The following RORA variants were observed in gnomAD, a reference collection of about 807,000 sequenced individuals.
RORA encodes nuclear receptor ROR-alpha.
In RORA, 7 loss-of-function variants were observed where a neutral mutation model predicts 69.5. That is an observed-to-expected ratio of 0.10 (90% CI 0.06 to 0.19). RORA has a LOEUF of 0.19. Ranked by LOEUF, RORA falls within the 10% of genes least tolerant of loss-of-function variation. RORA has a pLI of 1.00. For missense variants in RORA, 457 were observed against 663.0 expected (o/e 0.69, Z 3.41); for synonymous variants, 261 against 240.8 (o/e 1.08, Z -0.78).
intron 1 of RORA, among the ~76,000 whole-genome samples, chr15:60,947,952 C>A (rs568727825): frequency 6.6e-6 from 1 of 152,270 alleles, no homozygotes; most frequent in Non-Finnish European, 1.5e-5. Flanking sequence ...GACAACAACA[C>A]CACCCCTATG....
At chr15:61,095,457 A>C (rs77318162) in intron 1 of RORA, among the ~76,000 whole-genome samples, 1,643 of 152,358 alleles carry the variant, frequency 0.011, 14 homozygotes, top group Admixed American at 0.03. Flanking sequence ...CAAAACCAAT[A>C]AAGAAAAGAC....
chr15:60,560,527 C>CAA (rs761271083), intron 2 of RORA, among the ~76,000 whole-genome samples: 65 of 135,240 alleles, frequency 4.8e-4, no homozygotes, highest in African/African-American at 1.7e-3. Context: ...GACCCTGCCT[C>CAA]AAAAAAAAAA....
rs142345607 is a variant in RORA at position 61,047,666 on chromosome 15, G to A, written c.166+181387C>T. Among the ~76,000 whole-genome samples the A allele has an allele frequency of 6.0e-3, 921 of 152,302 alleles. 12 individuals are homozygous for A. Among genetic ancestry groups the A allele is most frequent in the African/African-American group, 0.021 (869 of 41,560 alleles). The stretch of plus-strand genomic sequence containing the variant: ...GAAGCATCACTCATTTTGCGGTATT[G>A]TTCCATTTTTAAAATGACTGTTTAA... On this transcript the variant is annotated intron_variant, in intron 1 of 10. Coordinates refer to ENST00000335670, the MANE Select transcript of RORA (RefSeq NM_134261.3).
intron 1 of RORA, among the ~76,000 whole-genome samples, chr15:60,846,966 C>T (rs1283258222): frequency 6.6e-6 from 1 of 152,094 alleles, no homozygotes; most frequent in African/African-American, 2.4e-5. Flanking sequence ...ATACATGATG[C>T]TCTTTTGGTA....
chr15:61,067,482 G>C (rs1022419176), intron 1 of RORA, among the ~76,000 whole-genome samples: 2 of 152,122 alleles, frequency 1.3e-5, no homozygotes, highest in Non-Finnish European at 2.9e-5. Flanking sequence ...TCGACAACGA[G>C]GGTAATGGTA....
At chr15:61,030,730 T>G (rs148870758) in intron 1 of RORA, among the ~76,000 whole-genome samples, 2 of 152,024 alleles carry the variant, frequency 1.3e-5, no homozygotes, top group Non-Finnish European at 2.9e-5. Context: ...CTGAAAAAAA[T>G]GTAGCATCTA....
At chr15:61,044,543 T>C (rs541568607) in intron 1 of RORA, among the ~76,000 whole-genome samples, 1 of 152,374 alleles carries the variant, frequency 6.6e-6, no homozygotes, top group South Asian at 2.1e-4. Context: ...TTACATGAAT[T>C]ACACATTAAA....
intron 1 of RORA, among the ~76,000 whole-genome samples, chr15:60,689,308 T>C (rs1194419750): frequency 6.6e-6 from 1 of 152,088 alleles, no homozygotes; most frequent in Non-Finnish European, 1.5e-5. Flanking sequence ...GAATGTTCCA[T>C]AGAGAAAGGA....
At chr15:61,121,274 T>C (rs1171748230) in intron 1 of RORA, among the ~76,000 whole-genome samples, 1 of 152,186 alleles carries the variant, frequency 6.6e-6, no homozygotes, top group Non-Finnish European at 1.5e-5. Flanking sequence ...GGCACAGAGC[T>C]AGCAGGAAGT....
At chr15:60,827,859 C>CA (rs1382836017) in intron 1 of RORA, among the ~76,000 whole-genome samples, 1 of 152,114 alleles carries the variant, frequency 6.6e-6, no homozygotes, top group Non-Finnish European at 1.5e-5. Context: ...TTACAGCTGT[C>CA]AAAAAACGAT....
chr15:60,949,253 C>G (rs1343629827), intron 1 of RORA, among the ~76,000 whole-genome samples: 1 of 152,174 alleles, frequency 6.6e-6, no homozygotes, highest in East Asian at 1.9e-4. Context: ...CCAGCCCAGC[C>G]AAACTGTCTC....
chr15:60,801,768 A>T (rs959382305), intron 1 of RORA, among the ~76,000 whole-genome samples: 4 of 152,222 alleles, frequency 2.6e-5, no homozygotes, highest in Non-Finnish European at 5.9e-5. Context: ...TGGGCTTTTT[A>T]GCTTACAGAA....
intron 2 of RORA, among the ~76,000 whole-genome samples, chr15:60,561,230 C>T (rs1419208319): frequency 6.6e-6 from 1 of 151,220 alleles, no homozygotes; most frequent in Non-Finnish European, 1.5e-5. Context: ...TACAGGCGCC[C>T]GCTACCACGC....
intron 1 of RORA, among the ~76,000 whole-genome samples, chr15:61,051,473 T>C (rs926663309): frequency 1.3e-5 from 2 of 152,178 alleles, no homozygotes; most frequent in Non-Finnish European, 2.9e-5. Context: ...GCATAGCTTC[T>C]CTTTCTCCTA....
chr15:60,882,745 T>A (rs1290996593), intron 1 of RORA, among the ~76,000 whole-genome samples: 1 of 152,146 alleles, frequency 6.6e-6, no homozygotes, highest in Non-Finnish European at 1.5e-5. Context: ...AGGATTGTAC[T>A]GATTTTCCCT....
At chr15:60,560,985 A>G (rs1441247374) in intron 2 of RORA, among the ~76,000 whole-genome samples, 1 of 151,782 alleles carries the variant, frequency 6.6e-6, no homozygotes, top group African/African-American at 2.4e-5. Flanking sequence ...GTACTCCCAC[A>G]TGAGCACACA....
intron 5 of RORA, among the ~76,000 whole-genome samples, chr15:60,506,391 G>A (rs17270181): frequency 0.11 from 16,560 of 152,232 alleles, 1,058 homozygotes; most frequent in Middle Eastern, 0.21. Context: ...TTGAGCATAA[G>A]GAGTTTGAAG....
chr15:60,574,141 C>G (rs2140461531), intron 2 of RORA, among the ~76,000 whole-genome samples: 1 of 152,300 alleles, frequency 6.6e-6, no homozygotes, highest in East Asian at 1.9e-4. Flanking sequence ...TTAGCCCAGC[C>G]CTGCGAGTCT....
At chr15:60,667,688 T>C (rs1277090186) in intron 2 of RORA, among the ~76,000 whole-genome samples, 1 of 152,162 alleles carries the variant, frequency 6.6e-6, no homozygotes, top group African/African-American at 2.4e-5. Flanking sequence ...GGTGTGATCA[T>C]AGCTTGCGGC....
Sources: allele counts gnomAD v4.1 joint callset (sites outside exome capture counted in the v4.1 genomes callset), GRCh38; gene constraint gnomAD v4.1.1; transcripts MANE v1.5; gene names NCBI Gene and HGNC (gene_info 2026-07-23, HGNC 2026-07-21).